KCNIP4: variants seen among roughly 807,000 people sequenced by gnomAD.
The protein encoded by KCNIP4 is potassium voltage-gated channel interacting protein 4, also known as Kv channel-interacting protein 4.
Under a neutral mutation model 34.0 loss-of-function variants are expected in KCNIP4, and 12 were observed. That is an observed-to-expected ratio of 0.35 (90% CI 0.23 to 0.57). The LOEUF (loss-of-function observed/expected upper bound fraction) is 0.57. KCNIP4 is among the 20% of genes least tolerant of loss of function. The pLI, the probability that KCNIP4 is intolerant of heterozygous loss-of-function variation, is 0.83. For missense variants in KCNIP4, 238 were observed against 311.7 expected, an observed-to-expected ratio of 0.76 and a Z score of 1.78; for synonymous variants, 124 against 102.2, an observed-to-expected ratio of 1.21 and a Z score of -1.29.
intron 1 of KCNIP4, among the ~76,000 whole-genome samples, chr4:20,995,329 A>C (rs916714939): frequency 1.3e-5 from 2 of 152,224 alleles, no homozygotes; most frequent in Admixed American, 6.5e-5. Context: ...TCTATCTCAC[A>C]GTGCTGTCAG....
At chr4:21,568,753 G>A (rs1294647411) in intron 1 of KCNIP4, among the ~76,000 whole-genome samples, 2 of 152,084 alleles carry the variant, frequency 1.3e-5, no homozygotes, top group East Asian at 1.9e-4. Context: ...CAACTTTTGA[G>A]TTGTTGGGAT....
chr4:21,657,055 C>T (rs1748016145), intron 1 of KCNIP4, among the ~76,000 whole-genome samples: 1 of 152,134 alleles, frequency 6.6e-6, no homozygotes, highest in Non-Finnish European at 1.5e-5. Flanking sequence ...GGAAGCCTTC[C>T]CTGACCCAGG....
intron 1 of KCNIP4, among the ~76,000 whole-genome samples, chr4:20,998,114 G>T (rs1356815271): frequency 6.6e-6 from 1 of 152,166 alleles, no homozygotes; most frequent in Non-Finnish European, 1.5e-5. Context: ...GAGATATTCA[G>T]GGAAGAGAGA....
At chr4:21,261,252 GA>G (rs1396811028) in intron 1 of KCNIP4, among the ~76,000 whole-genome samples, 1 of 152,118 alleles carries the variant, frequency 6.6e-6, no homozygotes, top group East Asian at 1.9e-4. Flanking sequence ...TTTAAATAGG[GA>G]AGCAAATATC....
chr4:20,857,222 G>A (rs1242898307), intron 2 of KCNIP4, among the ~76,000 whole-genome samples: 6 of 151,974 alleles, frequency 3.9e-5, no homozygotes, highest in Non-Finnish European at 7.4e-5. Flanking sequence ...CATATGATAA[G>A]TTAAAAAAGC....
At chr4:21,920,651 G>A (rs1412779997) in intron 1 of KCNIP4, among the ~76,000 whole-genome samples, 1 of 151,910 alleles carries the variant, frequency 6.6e-6, no homozygotes, top group East Asian at 1.9e-4. Flanking sequence ...AAAGTACATG[G>A]GATAATGTAC....
chr4:21,025,697 G>T (rs2149755656), intron 1 of KCNIP4, among the ~76,000 whole-genome samples: 1 of 151,548 alleles, frequency 6.6e-6, no homozygotes, highest in East Asian at 2.0e-4. Flanking sequence ...GGGACTACAG[G>T]CACCCACCAC....
At chr4:20,767,694 T>C (rs1234923054) in intron 3 of KCNIP4, among the ~76,000 whole-genome samples, 1 of 152,200 alleles carries the variant, frequency 6.6e-6, no homozygotes, top group African/African-American at 2.4e-5. Context: ...CCCACTCTAT[T>C]AGCTGAAATC....
intron 5 of KCNIP4, among the ~76,000 whole-genome samples, chr4:20,741,533 C>T (rs576011185): frequency 3.0e-4 from 46 of 152,236 alleles, no homozygotes; most frequent in Middle Eastern, 6.8e-3. Flanking sequence ...AGAACAAAGA[C>T]ACAACGTACC....
rs192809566 is a variant in KCNIP4, at chr4:21,713,951, T to C, written c.61+234620A>G. 4.0e-4 allele frequency among the ~76,000 whole-genome samples: 61 copies of C among 152,306 alleles called. 1 individual carries two copies. The highest frequency in any genetic ancestry group is 6.5e-4 in the Non-Finnish European group (44 of 68,022). ...TCAACGAAAATGATATGAATATGTA[T>C]GCATTTTCTGACAGAAGAGTCCAGC... On this transcript the variant is annotated intron_variant, in intron 1 of 8. Transcript: ENST00000382152.
chr4:21,484,908 A>G (rs935058442), intron 1 of KCNIP4, among the ~76,000 whole-genome samples: 1 of 152,226 alleles, frequency 6.6e-6, no homozygotes, highest in African/African-American at 2.4e-5. Context: ...TTGTCTTTGC[A>G]TAAATGTTTC....
intron 3 of KCNIP4, among the ~76,000 whole-genome samples, chr4:20,838,897 C>G (rs1413616824): frequency 6.6e-6 from 1 of 152,076 alleles, no homozygotes; most frequent in Non-Finnish European, 1.5e-5. Context: ...TTAGAGGTTA[C>G]TTTTACATAA....
At chr4:21,890,142 G>A (rs192992289) in intron 1 of KCNIP4, among the ~76,000 whole-genome samples, 97 of 152,210 alleles carry the variant, frequency 6.4e-4, no homozygotes, top group Non-Finnish European at 1.2e-3. Flanking sequence ...TTAATGCACC[G>A]TATGTTATAA....
chr4:21,159,290 G>C (rs1227882200), intron 1 of KCNIP4, among the ~76,000 whole-genome samples: 3 of 152,128 alleles, frequency 2.0e-5, no homozygotes, highest in African/African-American at 4.8e-5. Flanking sequence ...AATAGAAATG[G>C]ACCCATGAAT....
chr4:21,145,605 A>G (rs1262624437), intron 1 of KCNIP4, among the ~76,000 whole-genome samples: 2 of 152,182 alleles, frequency 1.3e-5, no homozygotes, highest in African/African-American at 4.8e-5. Context: ...GGTCTGTACA[A>G]TGCAAAATTC....
At chr4:21,862,393 C>G (rs1174032418) in intron 1 of KCNIP4, among the ~76,000 whole-genome samples, 1 of 152,120 alleles carries the variant, frequency 6.6e-6, no homozygotes, top group African/African-American at 2.4e-5. Flanking sequence ...ATAAAATTCT[C>G]TGTTCTAAGG....
chr4:21,499,034 A>T (rs1334282740), intron 1 of KCNIP4, among the ~76,000 whole-genome samples: 1 of 152,110 alleles, frequency 6.6e-6, no homozygotes, highest in Non-Finnish European at 1.5e-5. Flanking sequence ...GAACTAGCTT[A>T]CTTAAAAGGC....
chr4:20,911,980 A>G (rs1273115710), intron 1 of KCNIP4, among the ~76,000 whole-genome samples: 2 of 152,172 alleles, frequency 1.3e-5, no homozygotes, highest in Admixed American at 6.5e-5. Context: ...CAGTGCATCA[A>G]TGCTTCCTCA....
chr4:21,657,888 G>C (rs977571898), intron 1 of KCNIP4, among the ~76,000 whole-genome samples: 14 of 150,554 alleles, frequency 9.3e-5, no homozygotes, highest in Admixed American at 9.3e-4. Context: ...TCGCCAGGCT[G>C]CAGTGCAGTG....
Sources: allele counts gnomAD v4.1 joint callset (sites outside exome capture counted in the v4.1 genomes callset), GRCh38; gene constraint gnomAD v4.1.1; transcripts MANE v1.5; gene names NCBI Gene and HGNC (gene_info 2026-07-23, HGNC 2026-07-21).